Variants in CCDC150 observed in about 807,000 individuals in gnomAD.
CCDC150 encodes coiled-coil domain-containing protein 150.
A neutral mutation model predicts 156.5 loss-of-function variants in CCDC150; 151 were observed. The ratio of observed to expected loss-of-function variants is 0.97; its 90% CI spans 0.85 to 1.10. CCDC150 has a LOEUF of 1.10. CCDC150 is among the 50% of genes least tolerant of loss of function. The pLI is 0.00. For synonymous variants in CCDC150, 452 were observed against 429.4 expected (o/e 1.05, Z -0.65); for missense variants, 1,312 against 1,268.1 (o/e 1.03, Z -0.53).
chr2:196,692,606 T>G (rs546880879), intron 13 of CCDC150, among the ~76,000 whole-genome samples: 1 of 152,350 alleles, frequency 6.6e-6, no homozygotes, highest in Non-Finnish European at 1.5e-5. Context: ...CAGGAGCAGG[T>G]TGTTCAATTT....
intron 1 of CCDC150, among the ~76,000 whole-genome samples, chr2:196,644,232 T>G (rs1437662877): frequency 4.6e-5 from 7 of 152,136 alleles, no homozygotes; most frequent in Non-Finnish European, 7.4e-5. Context: ...CTTTTCTGCT[T>G]CTTTTGGAGA....
intron 21 of CCDC150, among the ~76,000 whole-genome samples, chr2:196,724,571 T>C (rs1698106286): frequency 6.6e-6 from 1 of 152,096 alleles, no homozygotes; most frequent in Admixed American, 6.6e-5. Context: ...TTATTCCCAT[T>C]TTGAAGATAA....
At chr2:196,662,313 C>G (rs1194001568) in intron 5 of CCDC150, among the ~76,000 whole-genome samples, 1 of 152,104 alleles carries the variant, frequency 6.6e-6, no homozygotes, top group Non-Finnish European at 1.5e-5. Context: ...AAAAGCAAAA[C>G]TAATAAAGCA....
intron 13 of CCDC150, among the ~76,000 whole-genome samples, chr2:196,692,514 G>C (rs990506569): frequency 6.6e-6 from 1 of 152,138 alleles, no homozygotes; most frequent in Non-Finnish European, 1.5e-5. Context: ...CAGAGATTCA[G>C]GTATGTTATC....
Position 196,732,046 on chromosome 2 carries a change from T to A in CCDC150, c.3083T>A (p.Leu1028Gln). Residue 1028 changes from leucine to glutamine, a missense_variant, in exon 27 of 28, where the codon CTG becomes CAG. By Grantham distance (113) the Leu-to-Gln change is moderately radical (BLOSUM62 -2). Coordinates refer to ENST00000389175, the MANE Select transcript of CCDC150 (RefSeq NM_001080539.2). The part of the protein sequence containing the change: ...SVESEQITAN[L>Q]EEAHRWFKHR... ...TTATATGTTCAGATAACAGCTAATC[T>A]GGAAGAAGCTCATCGCTGGTTTAAG... 1.2e-6 allele frequency: 2 copies of A among 1,613,822 alleles called. No individual in the cohort carries two copies. Among genetic ancestry groups the A allele is most frequent in the Non-Finnish European group, 1.7e-6 (2 of 1,179,772 alleles).
At chr2:196,696,024 G>T (rs922080196) in intron 14 of CCDC150, among the ~76,000 whole-genome samples, 2 of 152,170 alleles carry the variant, frequency 1.3e-5, no homozygotes, top group South Asian at 4.1e-4. Context: ...GTTATAAGCT[G>T]CTCATTACTT....
At chr2:196,687,348 A>G (rs1030604000) in intron 13 of CCDC150, among the ~76,000 whole-genome samples, 1 of 152,090 alleles carries the variant, frequency 6.6e-6, no homozygotes, top group African/African-American at 2.4e-5. Flanking sequence ...TGTGGTTTTG[A>G]TTTACATTTC....
chr2:196,663,978 C>G (rs576934913), intron 5 of CCDC150, among the ~76,000 whole-genome samples: 3 of 151,816 alleles, frequency 2.0e-5, no homozygotes, highest in Non-Finnish European at 4.4e-5. Context: ...TGGAAAGGAT[C>G]TCTTTACCTA....
At chr2:196,716,877 CAGAG>C (rs1392527836) in intron 17 of CCDC150, among the ~76,000 whole-genome samples, 23 of 91,368 alleles carry the variant, frequency 2.5e-4, no homozygotes, top group African/African-American at 9.0e-4. Context: ...TTTTTTGAGA[CAGAG>C]AGTCTCGCTG....
Position 196,656,639 on chromosome 2 carries a change from T to G in CCDC150, c.183T>G (p.Tyr61Ter). The change falls in exon 3 of 28, where the codon TAT becomes TAG. Residue 61 changes from tyrosine to a stop codon, truncating the protein, a stop_gained. Transcript: ENST00000389175. LOFTEE classifies it high-confidence loss of function. ...IMLDFGEKRG[Y>*]LEAPDCLEDL... ...TATTGGGATCTTTGTCCAGAGGCTA[T>G]TTGGAAGCTCCAGACTGTTTAGAAG... 1 of 1,605,468 alleles carries G rather than the reference T, an allele frequency of 6.2e-7. No homozygotes were observed. Among genetic ancestry groups the G allele is most frequent in the Non-Finnish European group, 8.5e-7 (1 of 1,175,140 alleles).
intron 18 of CCDC150, 48 bp downstream of exon 18, chr2:196,718,679 T>C: frequency 6.3e-7 from 1 of 1,598,326 alleles, no homozygotes; most frequent in Non-Finnish European, 8.5e-7. Flanking sequence ...AAGAAGCACT[T>C]ATGAAATCTT....
chr2:196,678,690 G>A (rs6733099), intron 13 of CCDC150, among the ~76,000 whole-genome samples: 111,174 of 152,048 alleles, frequency 0.73, 40,918 homozygotes, highest in East Asian at 0.82. Flanking sequence ...ATCACTTGAG[G>A]CCAGGAGTTT....
intron 22 of CCDC150, 149 bp from the exon 23 acceptor site, chr2:196,729,044 A>T: frequency 1.4e-6 from 1 of 712,408 alleles, no homozygotes. Flanking sequence ...CTATTGCTCC[A>T]TAAATCTGCT....
chr2:196,699,552 C>T (rs1231530635), intron 14 of CCDC150, among the ~76,000 whole-genome samples: 2 of 150,392 alleles, frequency 1.3e-5, no homozygotes, highest in African/African-American at 4.9e-5. Flanking sequence ...GGGGGTCTTG[C>T]TCTGTCTTCC....
intron 15 of CCDC150, among the ~76,000 whole-genome samples, chr2:196,711,456 G>T (rs1437220197): frequency 6.6e-6 from 1 of 152,118 alleles, no homozygotes; most frequent in Non-Finnish European, 1.5e-5. Context: ...TTTAGGGGTA[G>T]GTTCGGTAAC....
chr2:196,714,930 T>C (rs564708521), intron 17 of CCDC150, among the ~76,000 whole-genome samples: 1 of 152,346 alleles, frequency 6.6e-6, no homozygotes, highest in African/African-American at 2.4e-5. Context: ...TGCACTTTTC[T>C]GGGATCCTTT....
intron 7 of CCDC150, 38 bp downstream of exon 7, chr2:196,666,886 T>G: frequency 6.2e-7 from 1 of 1,611,298 alleles, no homozygotes; most frequent in African/African-American, 1.3e-5. Context: ...CTCTTGTTAG[T>G]TTTTGGAGAT....
chr2:196,666,820 T>G lies in CCDC150; in HGVS notation c.864T>G (p.Ile288Met). 1 of 1,613,380 alleles carries G rather than the reference T, an allele frequency of 6.2e-7. No individual in the cohort carries two copies. The highest frequency in any genetic ancestry group is 1.3e-5 in the African/African-American group (1 of 74,996). The change falls in exon 7 of 28, where the codon ATT becomes ATG. Residue 288 changes from isoleucine (I) to methionine (M), a missense_variant. By Grantham distance (10) the Ile-to-Met change is conservative. Coordinates refer to ENST00000389175, the MANE Select transcript of CCDC150 (RefSeq NM_001080539.2). ...AAAAAAAAAAAGAAGAGTTGGAGAT[T>G]GCTACTTCACAGCTCAAATCTGATC... is the stretch of plus-strand genomic sequence containing the variant. Reference protein sequence around the residue: ...QEQKKKEELEIATSQLKSDLT... With the variant: ...QEQKKKEELEMATSQLKSDLT...
chr2:196,699,166 C>G (rs376828055), intron 14 of CCDC150, among the ~76,000 whole-genome samples: 1 of 152,124 alleles, frequency 6.6e-6, no homozygotes, highest in Non-Finnish European at 1.5e-5. Context: ...ACATTTTGCT[C>G]AGGTTATTTT....
Sources: gnomAD v4.1 joint callset for allele counts (sites outside exome capture counted in the v4.1 genomes callset) on GRCh38, gnomAD v4.1.1 for gene constraint, MANE v1.5 for transcripts, NCBI Gene and HGNC (gene_info 2026-07-23, HGNC 2026-07-21) for gene names.